The following DUS2 variants were observed in gnomAD, a reference collection of about 807,000 sequenced individuals.
The protein encoded by DUS2 is dihydrouridine synthase 2.
In DUS2, 52 loss-of-function variants were observed where a neutral mutation model predicts 71.3. That is an observed-to-expected ratio of 0.73 (90% CI 0.58 to 0.92). The LOEUF is 0.92. DUS2 is among the 40% of genes least tolerant of loss of function. The pLI, the probability that DUS2 is intolerant of heterozygous loss-of-function variation, is 0.00. For missense variants in DUS2, 558 were observed against 622.6 expected (o/e 0.90, Z 1.10); for synonymous variants, 204 against 227.8 (o/e 0.90, Z 0.94).
intron 14 of DUS2, among the ~76,000 whole-genome samples, chr16:68,076,040 G>A (rs897574595): frequency 2.0e-5 from 3 of 152,208 alleles, no homozygotes; most frequent in Non-Finnish European, 4.4e-5. Flanking sequence ...GAGGTGTGGA[G>A]AGGGGGAGCA....
intron 12 of DUS2, 92 bp downstream of exon 12, chr16:68,071,200 G>C (rs537621399): frequency 2.1e-6 from 3 of 1,400,628 alleles, no homozygotes; most frequent in South Asian, 1.2e-5. Flanking sequence ...GCTGCCAGCT[G>C]TGCTTGCTGT....
At position 68,070,200 on chromosome 16, in the gene DUS2, C is replaced by T. The variant is rs375710525; in HGVS notation, c.621C>T (p.Leu207=). 1.2e-6 allele frequency: 2 copies of T among 1,614,166 alleles called. No homozygotes were observed. ...CEVIKAIADT[L]SIPVIANGGS... ...TCATCAAAGCCATTGCTGATACCCT[C>T]TCCATTCCTGTCATAGCCAAGTAAG... The change falls in exon 11 of 17, where the codon CTC becomes CTT. Residue 207 remains leucine, a synonymous_variant. Transcript: ENST00000565263.
At position 68,023,332 on chromosome 16, in the gene DUS2, T is replaced by TA; in HGVS notation, c.-118_-117insA. ...ACCGTGAGGAAGAAGCGAGGTTCTT[T>TA]TTAAGAGTTCAGCTGCGAGGTCTGT... On this transcript the variant is annotated 5_prime_UTR_variant, in exon 1 of 17. Coordinates refer to ENST00000565263, the MANE Select transcript of DUS2 (RefSeq NM_017803.5). 1 of 1,162,340 alleles carries TA rather than the reference T, an allele frequency of 8.6e-7. No homozygotes were observed. Among genetic ancestry groups the TA allele is most frequent in the Non-Finnish European group, 1.2e-6 (1 of 837,588 alleles). 72.0% of individuals were successfully genotyped at this position (1,162,340 alleles called of 1,614,324 possible). A position where few individuals can be genotyped will look rare whatever the true frequency, so the allele number is the denominator to read the frequency against.
chr16:68,054,463 G>T, intron 5 of DUS2, 111 bp from the exon 6 acceptor site: 3 of 1,208,020 alleles, frequency 2.5e-6, no homozygotes, highest in Non-Finnish European at 3.7e-6. Context: ...GCCTGACTCT[G>T]TTGTTGGTGT....
At chr16:68,043,223 A>G (rs2033656805) in intron 3 of DUS2, among the ~76,000 whole-genome samples, 1 of 152,078 alleles carries the variant, frequency 6.6e-6, no homozygotes, top group African/African-American at 2.4e-5. Flanking sequence ...CCTAGGCAAC[A>G]TGGTGAAACC....
At chr16:68,076,827 A>G in intron 15 of DUS2, 108 bp downstream of exon 15, 2 of 865,268 alleles carry the variant, frequency 2.3e-6, no homozygotes, top group Non-Finnish European at 1.8e-6. Context: ...CTCTGTAGGC[A>G]TGGAGAAGCT....
At chr16:68,053,756 A>T in intron 5 of DUS2, 101 bp downstream of exon 5, 1 of 1,197,600 alleles carries the variant, frequency 8.4e-7, no homozygotes, top group Non-Finnish European at 1.2e-6. Flanking sequence ...CCTGGGGTAC[A>T]TTGTACAACG....
At chr16:68,054,504 A>C in intron 5 of DUS2, 70 bp from the exon 6 acceptor site, 1 of 1,535,958 alleles carries the variant, frequency 6.5e-7, no homozygotes. Flanking sequence ...TGTGTGCTGC[A>C]TGGGTGTGTT....
intron 4 of DUS2, among the ~76,000 whole-genome samples, chr16:68,052,231 A>T (rs115350595): frequency 6.6e-6 from 1 of 152,074 alleles, no homozygotes; most frequent in Non-Finnish European, 1.5e-5. Flanking sequence ...AAACAGTGAG[A>T]TCACCAACAA....
At position 68,066,389 on chromosome 16, in the gene DUS2, A is replaced by G; in HGVS notation, c.483+7A>G. On this transcript the variant is annotated splice_region_variant and intron_variant, in intron 9 of 16. Coordinates refer to ENST00000565263, the MANE Select transcript of DUS2 (RefSeq NM_017803.5). ...GATTCGCATCCTGCCATCGGTAAGG[A>G]TGGTGTGTTACATATGAAGGTCCAT... 3 of 1,613,864 alleles carry G rather than the reference A, an allele frequency of 1.9e-6. No homozygotes were observed. The African/African-American group carries it at 4.0e-5, about 22-fold the overall frequency.
intron 15 of DUS2, chr16:68,078,176 A>G (rs1483607626): frequency 2.0e-6 from 1 of 490,864 alleles, no homozygotes; most frequent in African/African-American, 1.9e-5. Flanking sequence ...GCCTATCCAG[A>G]TGTCAGCAGG....
At chr16:68,076,344 A>G (rs2034156058) in intron 14 of DUS2, among the ~76,000 whole-genome samples, 1 of 152,044 alleles carries the variant, frequency 6.6e-6, no homozygotes, top group Non-Finnish European at 1.5e-5. Flanking sequence ...GATGTTGAAC[A>G]TTGTTTTTCC....
At chr16:68,053,139 T>C (rs1345664246) in intron 4 of DUS2, among the ~76,000 whole-genome samples, 1 of 152,124 alleles carries the variant, frequency 6.6e-6, no homozygotes, top group Non-Finnish European at 1.5e-5. Flanking sequence ...ATTTTTGTAT[T>C]CTTATCAGAG....
chr16:68,042,313 T>G (rs1598303906), intron 3 of DUS2, among the ~76,000 whole-genome samples: 1 of 152,346 alleles, frequency 6.6e-6, no homozygotes, highest in East Asian at 1.9e-4. Flanking sequence ...TGAATAATGC[T>G]GCTGTGAACA....
chr16:68,045,443 T>TA (rs965427822), intron 3 of DUS2, among the ~76,000 whole-genome samples: 6 of 149,550 alleles, frequency 4.0e-5, no homozygotes, highest in South Asian at 2.1e-4. Flanking sequence ...CCATCTCTAT[T>TA]AAAAAAAAAT....
chr16:68,046,185 C>A (rs1056596179), intron 3 of DUS2, among the ~76,000 whole-genome samples: 2 of 152,112 alleles, frequency 1.3e-5, no homozygotes, highest in South Asian at 4.2e-4. Flanking sequence ...CTTTTTTAGC[C>A]CTTGCCTCCT....
rs527993932 is a variant in DUS2 at position 68,066,448 on chromosome 16, C to T, written c.483+66C>T. The stretch of plus-strand genomic sequence containing the variant: ...GTGATGTTGGATTTAGGTTTGTGAA[C>T]GATTCTTGAGGTGCTAAATTAGGCT... On this transcript the variant is annotated intron_variant, in intron 9 of 16. Coordinates refer to ENST00000565263, the MANE Select transcript of DUS2 (RefSeq NM_017803.5). 151 of 1,595,252 alleles carry T rather than the reference C, an allele frequency of 9.5e-5. 2 individuals carry two copies. The highest frequency in any genetic ancestry group is 1.7e-4 in the Middle Eastern group (1 of 6,008).
intron 4 of DUS2, among the ~76,000 whole-genome samples, chr16:68,051,118 T>G (rs925086170): frequency 6.6e-6 from 1 of 152,250 alleles, no homozygotes; most frequent in African/African-American, 2.4e-5. Context: ...TTCTCCCATC[T>G]GCCACGTTCA....
chr16:68,023,616 G>A (rs1397370303), intron 1 of DUS2: 1 of 197,526 alleles, frequency 5.1e-6, no homozygotes, highest in Non-Finnish European at 1.2e-5. Context: ...CCTGCGCAGG[G>A]TCTGGTAATC....
Sources: allele counts gnomAD v4.1 joint callset (sites outside exome capture counted in the v4.1 genomes callset), GRCh38; gene constraint gnomAD v4.1.1; transcripts MANE v1.5; gene names NCBI Gene and HGNC (gene_info 2026-07-23, HGNC 2026-07-21).